The following ABI2 variants were observed in gnomAD, a reference collection of about 807,000 sequenced individuals.
ABI2 encodes the protein abl interactor 2.
Under a neutral mutation model 59.2 loss-of-function variants are expected in ABI2, and 25 were observed. The observed-to-expected ratio is 0.42, with a 90% confidence interval of 0.31 to 0.59. ABI2 has a LOEUF of 0.59. Ranked by LOEUF, ABI2 falls within the 20% of genes least tolerant of loss-of-function variation. ABI2 has a pLI of 0.14. For missense variants in ABI2, 545 were observed against 681.8 expected (o/e 0.80, Z 2.23); for synonymous variants, 213 against 235.5 (o/e 0.90, Z 0.87).
intron 1 of ABI2, 93 bp downstream of exon 1, chr2:203,328,724 G>A: frequency 1.3e-6 from 1 of 751,850 alleles, no homozygotes; most frequent in Non-Finnish European, 2.0e-6. Flanking sequence ...TCGGGGACAC[G>A]GCCCAGCGGA....
intron 1 of ABI2, among the ~76,000 whole-genome samples, chr2:203,339,109 A>G (rs574465315): frequency 6.7e-6 from 1 of 150,098 alleles, no homozygotes; most frequent in Admixed American, 6.7e-5. Flanking sequence ...TCCAACAGGT[A>G]TGTGAAAATG....
Position 203,423,477 on chromosome 2 carries a change from G to T in ABI2, c.1454-3700G>T, listed in dbSNP as rs537972997. Among the ~76,000 whole-genome samples the T allele has an allele frequency of 1.4e-4, 22 of 152,276 alleles. No homozygotes were observed. The East Asian group carries it at 4.2e-3, about 29-fold the overall frequency. On this transcript the variant is annotated intron_variant, in intron 11 of 11. Coordinates refer to ENST00000261018, the MANE Select transcript of ABI2 (RefSeq NM_001375670.1). ...GTCTCGCTCTGTCGCTCAGGCTAGA[G>T]TGCAGTGGTGCAATCTCGGCTCACT...
At chr2:203,364,026 A>AGTGTTGGGATTACAGGC (rs996751948) in intron 1 of ABI2, among the ~76,000 whole-genome samples, 29 of 151,686 alleles carry the variant, frequency 1.9e-4, no homozygotes, top group Middle Eastern at 6.8e-3. Flanking sequence ...GGCCTCCCAA[A>AGTGTTGGGATTACAGGC]GTGCTGGAAT....
chr2:203,384,581 A>T lies in ABI2; in HGVS notation c.480+2375A>T, dbSNP rs2096376882. Among the ~76,000 whole-genome samples, 4 of 152,064 alleles carry T rather than the reference A, an allele frequency of 2.6e-5. No homozygotes were observed. In the South Asian group the frequency reaches 8.3e-4, roughly 32 times the overall value. ...CACCTCGGCCTCCCAAAATGTTGGG[A>T]TTACAGTTGTGAGCCACCGTGCCTG... is the stretch of plus-strand genomic sequence containing the variant. On this transcript the variant is annotated intron_variant, in intron 4 of 11. Coordinates refer to ENST00000261018, the MANE Select transcript of ABI2 (RefSeq NM_001375670.1).
intron 11 of ABI2, among the ~76,000 whole-genome samples, chr2:203,419,035 TCAAAG>T (rs1406511657): frequency 6.6e-6 from 1 of 151,924 alleles, no homozygotes; most frequent in Non-Finnish European, 1.5e-5. Context: ...AGCAAAATCT[TCAAAG>T]TAATGAAGGA....
chr2:203,422,395 G>T (rs1470563105), intron 11 of ABI2, among the ~76,000 whole-genome samples: 1 of 152,174 alleles, frequency 6.6e-6, no homozygotes, highest in Non-Finnish European at 1.5e-5. Context: ...TTTAAAGATG[G>T]GTGCACTAAC....
chr2:203,385,139 C>CTTTTTTTTTTTTTTTTTTTTTTT lies in ABI2; in HGVS notation c.480+2946_480+2947insTTTTTTTTTTTTTTTTTTTTTTT, dbSNP rs10527327. 5.2e-3 allele frequency among the ~76,000 whole-genome samples: 361 copies of CTTTTTTTTTTTTTTTTTTTTTTT among 69,898 alleles called. 86 individuals carry two copies. Among genetic ancestry groups the CTTTTTTTTTTTTTTTTTTTTTTT allele is most frequent in the Non-Finnish European group, 6.0e-3 (210 of 34,760 alleles). The allele number at this position is 69,898 out of a possible 152,430, so 45.9% of individuals were successfully genotyped here. A position where few individuals can be genotyped will look rare whatever the true frequency, so the allele number is the denominator to read the frequency against. ...TGAGCCACCGCACCCGGCTCAGATT[C>CTTTTTTTTTTTTTTTTTTTTTTT]TTTTTTTTTTTTTGAGACAGTCTTG... On this transcript the variant is annotated intron_variant, in intron 4 of 11. Coordinates refer to ENST00000261018, the MANE Select transcript of ABI2 (RefSeq NM_001375670.1).
At position 203,398,906 on chromosome 2, in the gene ABI2, G is replaced by A. The variant is rs558221998; in HGVS notation, c.1033+1939G>A. 2.8e-4 allele frequency among the ~76,000 whole-genome samples: 42 copies of A among 152,198 alleles called. 1 individual carries two copies. The South Asian group carries it at 8.5e-3, about 31-fold the overall frequency. ...TCATTACATTTTATTGCTTAGTAGT[G>A]TTGTATTGTATGGGGATGTACCACA... On this transcript the variant is annotated intron_variant, in intron 8 of 11. Coordinates refer to ENST00000261018, the MANE Select transcript of ABI2 (RefSeq NM_001375670.1).
chr2:203,407,964 G>C (rs944005496), intron 9 of ABI2, among the ~76,000 whole-genome samples: 1 of 152,172 alleles, frequency 6.6e-6, no homozygotes, highest in Non-Finnish European at 1.5e-5. Flanking sequence ...AAAAGAAAAT[G>C]ATGTGGTATC....
chr2:203,328,503 G>A lies in ABI2; in HGVS notation c.-12G>A. 6.3e-7 allele frequency: 1 copy of A among 1,596,992 alleles called. No individual in the cohort carries two copies. ...CGACCTGTATGAGGAGGAGGAGGAGGAGGATGTGAAGATGGCGGAGCTGCA... is the reference window on the plus strand; with the variant it reads ...CGACCTGTATGAGGAGGAGGAGGAGAAGGATGTGAAGATGGCGGAGCTGCA... On this transcript the variant is annotated 5_prime_UTR_variant, in exon 1 of 12. Transcript: ENST00000261018.
chr2:203,373,030 G>A (rs2095400181), intron 2 of ABI2, among the ~76,000 whole-genome samples: 2 of 151,592 alleles, frequency 1.3e-5, no homozygotes, highest in African/African-American at 4.9e-5. Flanking sequence ...GGGCAGCCAC[G>A]CAGAGACGCT....
At chr2:203,393,461 A>G (rs977846389) in intron 5 of ABI2, among the ~76,000 whole-genome samples, 3 of 152,246 alleles carry the variant, frequency 2.0e-5, no homozygotes, top group Non-Finnish European at 4.4e-5. Context: ...AATTTAAGAG[A>G]TGCTGGAACT....
chr2:203,415,616 CAA>C (rs71007515), intron 10 of ABI2, among the ~76,000 whole-genome samples: 53 of 42,332 alleles, frequency 1.3e-3, no homozygotes, highest in African/African-American at 2.9e-3. Context: ...GACTCCGTCT[CAA>C]AAAAAAAAAA....
chr2:203,412,792 T>C (rs2097731493), intron 10 of ABI2, among the ~76,000 whole-genome samples: 1 of 152,184 alleles, frequency 6.6e-6, no homozygotes, highest in African/African-American at 2.4e-5. Context: ...AGGTCAAGTG[T>C]GGGATACAGG....
intron 8 of ABI2, among the ~76,000 whole-genome samples, chr2:203,398,630 A>T (rs1042970104): frequency 2.0e-5 from 3 of 152,226 alleles, no homozygotes; most frequent in Non-Finnish European, 4.4e-5. Context: ...GTGTACTGAC[A>T]TGTAATTGCC....
At chr2:203,377,669 G>T (rs1199793570) in intron 2 of ABI2, among the ~76,000 whole-genome samples, 2 of 152,186 alleles carry the variant, frequency 1.3e-5, no homozygotes, top group African/African-American at 2.4e-5. Context: ...ACTTTGGGAG[G>T]CCAAGGTGGG....
At chr2:203,328,936 G>T (rs890348923) in intron 1 of ABI2, 3 of 240,036 alleles carry the variant, frequency 1.2e-5, no homozygotes, top group Admixed American at 1.1e-4. Flanking sequence ...GTTCCGGATG[G>T]CGGAGGGGGC....
At chr2:203,364,417 C>T (rs1014527797) in intron 1 of ABI2, among the ~76,000 whole-genome samples, 1 of 152,072 alleles carries the variant, frequency 6.6e-6, no homozygotes, top group South Asian at 2.1e-4. Context: ...GTACATGGGT[C>T]AGGAATTGAA....
intron 5 of ABI2, 56 bp from the exon 6 acceptor site, chr2:203,394,644 A>C: frequency 6.4e-7 from 1 of 1,551,896 alleles, no homozygotes. Context: ...AACTCTTTGA[A>C]TTTATTGTGC....
Sources: gnomAD v4.1 joint callset for allele counts (sites outside exome capture counted in the v4.1 genomes callset) on GRCh38, gnomAD v4.1.1 for gene constraint, MANE v1.5 for transcripts, NCBI Gene and HGNC (gene_info 2026-07-23, HGNC 2026-07-21) for gene names.